Variants in CCNB1IP1 observed in about 807,000 individuals in gnomAD.
CCNB1IP1 encodes E3 ubiquitin-protein ligase CCNB1IP1.
A neutral mutation model predicts 25.6 loss-of-function variants in CCNB1IP1; 14 were observed. The observed-to-expected ratio is 0.55, with a 90% CI of 0.36 to 0.85. CCNB1IP1 has a LOEUF of 0.85. CCNB1IP1 is among the 40% of genes least tolerant of loss of function. The pLI is 0.01. For synonymous variants in CCNB1IP1, 119 were observed against 116.1 expected, an observed-to-expected ratio of 1.02 and a Z score of -0.16; for missense variants, 278 against 342.4, an observed-to-expected ratio of 0.81 and a Z score of 1.48.
Position 20,311,702 on chromosome 14 carries a change from C to A in CCNB1IP1, c.682G>T (p.Asp228Tyr), listed in dbSNP as rs1349838412. 3 of 1,613,900 alleles carry A rather than the reference C, an allele frequency of 1.9e-6. No individual in the cohort carries two copies. Among genetic ancestry groups the A allele is most frequent in the South Asian group, 2.2e-5 (2 of 91,078 alleles). The change falls in exon 7 of 7, where the codon GAT becomes TAT. Residue 228 changes from aspartate to tyrosine, a missense_variant. Coordinates refer to ENST00000358932, the MANE Select transcript of CCNB1IP1 (RefSeq NM_021178.5). ...CTGAACTGAAAATCTCCATCTCCAT[C>A]GCCCCGATTTCGAACAGGTGTATTA... ...LDNTPVRNRG[D>Y]GDGDFQFRPF...
chr14:20,323,698 G>A (rs2138863456), intron 4 of CCNB1IP1, among the ~76,000 whole-genome samples: 1 of 152,214 alleles, frequency 6.6e-6, no homozygotes, highest in East Asian at 1.9e-4. Context: ...GGAGGCCGAG[G>A]CGGGTGGATC....
intron 3 of CCNB1IP1, 129 bp downstream of exon 3, chr14:20,326,584 TCTC>T (rs1883083944): frequency 1.9e-6 from 1 of 522,898 alleles, no homozygotes; most frequent in Admixed American, 2.0e-5. Flanking sequence ...ACAGGAAAAT[TCTC>T]CTAAGGTTAG....
rs893490923 is a variant in CCNB1IP1, at chr14:20,316,083, G to C, written c.297+144C>G. On this transcript the variant is annotated intron_variant, in intron 5 of 6. Coordinates refer to ENST00000358932, the MANE Select transcript of CCNB1IP1 (RefSeq NM_021178.5). ...TCCTTTTGATTTTCAACAATAAACA[G>C]TATTGCTTTTGAAAACAATTTAATA... 4.3e-6 allele frequency: 3 copies of C among 703,154 alleles called. No individual in the cohort carries two copies. In the African/African-American group the frequency reaches 5.4e-5, roughly 13 times the overall value. The allele number at this position is 703,154 out of a possible 1,614,324, so 43.6% of individuals were successfully genotyped here.
At chr14:20,318,856 G>A (rs867171555) in intron 4 of CCNB1IP1, among the ~76,000 whole-genome samples, 35 of 152,212 alleles carry the variant, frequency 2.3e-4, no homozygotes, top group Middle Eastern at 6.8e-3. Flanking sequence ...TCCGCTTTCC[G>A]GGTTCAAACG....
chr14:20,321,084 C>T (rs2138858180), intron 4 of CCNB1IP1, among the ~76,000 whole-genome samples: 1 of 151,626 alleles, frequency 6.6e-6, no homozygotes, highest in South Asian at 2.1e-4. Context: ...TTGCAGTGAG[C>T]CGAGATCACA....
At chr14:20,327,553 G>A (rs151218376) in intron 2 of CCNB1IP1, among the ~76,000 whole-genome samples, 2 of 149,202 alleles carry the variant, frequency 1.3e-5, no homozygotes, top group Non-Finnish European at 3.0e-5. Flanking sequence ...TACTAGATAC[G>A]CAGTTCATCT....
rs1338723269 is a variant in CCNB1IP1 at position 20,316,290 on chromosome 14, T to C, written c.234A>G (p.Ala78=). 1.2e-6 allele frequency: 2 copies of C among 1,614,010 alleles called. No homozygotes were observed. The highest frequency in any genetic ancestry group is 1.7e-6 in the Non-Finnish European group (2 of 1,179,870). The change falls in exon 5 of 7, where the codon GCA becomes GCG. Residue 78 remains alanine (A), a synonymous_variant. Coordinates refer to ENST00000358932, the MANE Select transcript of CCNB1IP1 (RefSeq NM_021178.5). ...CCAACACGATCTCTGGTCGCAGTCC[T>C]GCCAATACCATAGCTTTATATTCCT... ...PSEEYKAMVL[A]GLRPEIVLDI... is the part of the protein sequence containing the mutation.
At chr14:20,332,026 A>ATATATTTTTT (rs59034398) in intron 1 of CCNB1IP1, among the ~76,000 whole-genome samples, 3 of 40,742 alleles carry the variant, frequency 7.4e-5, no homozygotes, top group African/African-American at 2.6e-4. Context: ...ATATATATAT[A>ATATATTTTTT]TTTTTTTTTT....
intron 5 of CCNB1IP1, chr14:20,314,378 A>G (rs1054944273): frequency 3.9e-5 from 6 of 152,240 alleles, no homozygotes; most frequent in African/African-American, 1.2e-4. Context: ...AGTAACTAAG[A>G]ACAGCCTCTG....
At chr14:20,332,026 A>ATATATATATATATATATT (rs59034398) in intron 1 of CCNB1IP1, among the ~76,000 whole-genome samples, 15 of 40,742 alleles carry the variant, frequency 3.7e-4, no homozygotes, top group African/African-American at 1.2e-3. Flanking sequence ...ATATATATAT[A>ATATATATATATATATATT]TTTTTTTTTT....
chr14:20,324,899 A>C (rs918945416), intron 4 of CCNB1IP1, among the ~76,000 whole-genome samples: 11 of 151,888 alleles, frequency 7.2e-5, no homozygotes, highest in African/African-American at 2.2e-4. Flanking sequence ...CTGCTTACTA[A>C]AACTTCCACC....
chr14:20,323,013 TTAGAGTA>T (rs1337365046), intron 4 of CCNB1IP1, among the ~76,000 whole-genome samples: 1 of 152,162 alleles, frequency 6.6e-6, no homozygotes, highest in African/African-American at 2.4e-5. Context: ...ATGAATGACT[TTAGAGTA>T]TAATGTTTCA....
At chr14:20,326,027 C>T (rs1047238036) in intron 3 of CCNB1IP1, among the ~76,000 whole-genome samples, 2 of 152,048 alleles carry the variant, frequency 1.3e-5, no homozygotes, top group East Asian at 3.8e-4. Context: ...TCATGAATAC[C>T]GTTCTATTTC....
chr14:20,333,008 A>AT (rs1883298506), intron 1 of CCNB1IP1: 1 of 152,250 alleles, frequency 6.6e-6, no homozygotes, highest in Admixed American at 6.5e-5. Context: ...AGCACAGTCT[A>AT]TTGTTCCTGG....
chr14:20,315,514 CA>C, intron 5 of CCNB1IP1: 1 of 1,153,642 alleles, frequency 8.7e-7, no homozygotes, highest in South Asian at 1.8e-5. Flanking sequence ...AGTTACTTGA[CA>C]GATGACAAAC....
At chr14:20,321,437 G>A (rs931025592) in intron 4 of CCNB1IP1, among the ~76,000 whole-genome samples, 4 of 149,570 alleles carry the variant, frequency 2.7e-5, no homozygotes, top group African/African-American at 7.5e-5. Context: ...GTATATTATC[G>A]ATGAAGCAAT....
chr14:20,330,364 C>G (rs1883199262), intron 1 of CCNB1IP1, among the ~76,000 whole-genome samples: 1 of 152,112 alleles, frequency 6.6e-6, no homozygotes, highest in South Asian at 2.1e-4. Flanking sequence ...GGGGCAAGAG[C>G]TGAAAAACTT....
intron 5 of CCNB1IP1, 72 bp from the exon 6 acceptor site, chr14:20,313,873 A>G: frequency 1.7e-6 from 2 of 1,175,962 alleles, no homozygotes; most frequent in Non-Finnish European, 2.3e-6. Flanking sequence ...TTATACAAAC[A>G]CAAAAGGAAA....
At chr14:20,329,764 G>T (rs929822225) in intron 1 of CCNB1IP1, among the ~76,000 whole-genome samples, 1 of 152,068 alleles carries the variant, frequency 6.6e-6, no homozygotes, top group Non-Finnish European at 1.5e-5. Flanking sequence ...TTTCCATACT[G>T]TTTTCCATCA....
Sources: gnomAD v4.1 joint callset for allele counts (sites outside exome capture counted in the v4.1 genomes callset) on GRCh38, gnomAD v4.1.1 for gene constraint, MANE v1.5 for transcripts, NCBI Gene and HGNC (gene_info 2026-07-23, HGNC 2026-07-21) for gene names.